SFSWAP: variants seen among roughly 807,000 people sequenced by gnomAD.
SFSWAP encodes the protein splicing factor SWAP, also known as splicing factor, suppressor of white-apricot homolog.
SFSWAP carries 17 observed loss-of-function variants against 100.7 expected under a neutral mutation model. The observed-to-expected ratio is 0.17, with a 90% CI of 0.12 to 0.25. The LOEUF (loss-of-function observed/expected upper bound fraction) is 0.25, where lower values mean the gene tolerates loss of function less well. Among genes scored for constraint, SFSWAP ranks in the 10% least tolerant of loss-of-function variants. The pLI is 1.00. For missense variants in SFSWAP, 1,005 were observed against 1,262.6 expected (o/e 0.80, Z 3.09); for synonymous variants, 504 against 510.1 (o/e 0.99, Z 0.16).
rs1451750590 is a variant in SFSWAP at position 131,730,290 on chromosome 12, C to T, written c.1081+1862C>T. On this transcript the variant is annotated intron_variant, in intron 7 of 17. Coordinates refer to ENST00000261674, the MANE Select transcript of SFSWAP (RefSeq NM_004592.4). The surrounding 1 kb of genome is among the most constrained non-coding windows in gnomAD (Gnocchi z 4.0). ...TGCCCACTGAGGGACCATCCCTCTG[C>T]TTCCTCCTTTCCTTTTCCAAGCCTG... 6.6e-6 allele frequency among the ~76,000 whole-genome samples: 1 copy of T among 152,254 alleles called. No homozygotes were observed. The highest frequency in any genetic ancestry group is 1.5e-5 in the Non-Finnish European group (1 of 68,046).
intron 7 of SFSWAP, among the ~76,000 whole-genome samples, chr12:131,741,670 C>T (rs2136209058): frequency 6.6e-6 from 1 of 151,882 alleles, no homozygotes; most frequent in South Asian, 2.1e-4. Context: ...ACAGTAAACA[C>T]CATTCTGCTG....
rs1335571819 is a variant in SFSWAP, at chr12:131,782,029, T to C, written c.2408+3699T>C. ...CGGCAGTGCCGTGGTCTCTGGAGTC[T>C]GAGGACATAAGTTAAACAAGCTAGT... is the stretch of plus-strand genomic sequence containing the variant. On this transcript the variant is annotated intron_variant, in intron 14 of 17. Coordinates refer to ENST00000261674, the MANE Select transcript of SFSWAP (RefSeq NM_004592.4). Among the ~76,000 whole-genome samples, 3 of 152,222 alleles carry C rather than the reference T, an allele frequency of 2.0e-5. No homozygotes were observed. In the East Asian group the frequency reaches 5.8e-4, roughly 29 times the overall value.
chr12:131,756,866 C>G lies in SFSWAP; in HGVS notation c.1720+222C>G, dbSNP rs904103065. 3 of 540,946 alleles carry G rather than the reference C, an allele frequency of 5.5e-6. No homozygotes were observed. The East Asian group carries it at 9.3e-5, about 17-fold the overall frequency. 33.5% of individuals were successfully genotyped at this position (540,946 alleles called of 1,614,324 possible). ...GTGTGAGCAGCCCTTAGGTATGTGT[C>G]TGTTTAACAGTCTGTTCAGTGTACT... On this transcript the variant is annotated intron_variant, in intron 11 of 17. Transcript: ENST00000261674.
chr12:131,773,624 A>T lies in SFSWAP; in HGVS notation c.2143-4441A>T, dbSNP rs545813804. 2.6e-5 allele frequency among the ~76,000 whole-genome samples: 4 copies of T among 152,338 alleles called. No homozygotes were observed. In the East Asian group the frequency reaches 5.8e-4, roughly 22 times the overall value. ...CTCTCAAGATGCTAGGATGACAGGC[A>T]TGAGCCACTGCACCCAGCCCACAAA... is the stretch of plus-strand genomic sequence containing the variant. On this transcript the variant is annotated intron_variant, in intron 13 of 17. Transcript: ENST00000261674.
At chr12:131,759,694 G>A (rs1324000380) in intron 11 of SFSWAP, among the ~76,000 whole-genome samples, 3 of 151,988 alleles carry the variant, frequency 2.0e-5, no homozygotes, top group East Asian at 1.9e-4. Context: ...CCAGCTACTC[G>A]GAGAGGCTGA....
chr12:131,784,523 A>G (rs1455695357), intron 14 of SFSWAP: 2 of 152,152 alleles, frequency 1.3e-5, no homozygotes, highest in African/African-American at 2.4e-5. Flanking sequence ...AAAGCAAACC[A>G]TTATGCTTTT....
intron 16 of SFSWAP, 49 bp downstream of exon 16, chr12:131,797,409 C>T: frequency 6.7e-7 from 1 of 1,499,272 alleles, no homozygotes; most frequent in Non-Finnish European, 9.1e-7. Context: ...CAAGGGGCGG[C>T]CAGCAGGACT....
Position 131,778,447 on chromosome 12 carries a change from C to A in SFSWAP, c.2408+117C>A. The A allele has an allele frequency of 6.9e-7, 1 of 1,456,520 alleles. No homozygotes were observed. The highest frequency in any genetic ancestry group is 9.2e-7 in the Non-Finnish European group (1 of 1,088,030). The allele number at this position is 1,456,520 out of a possible 1,614,324, so 90.2% of individuals were successfully genotyped here. A position where few individuals can be genotyped will look rare whatever the true frequency, so the allele number is the denominator to read the frequency against. ...CAGTGCCGCTTTCATTAAGCAGACG[C>A]GTGTATGCATGTGCATGTGTGCCCT... On this transcript the variant is annotated intron_variant, in intron 14 of 17. Transcript: ENST00000261674. The surrounding 1 kb of genome is among the most constrained non-coding windows in gnomAD (Gnocchi z 4.2).
rs571734838 is a variant in SFSWAP, at chr12:131,747,791, G to T, written c.1082-5332G>T. On this transcript the variant is annotated intron_variant, in intron 7 of 17. Transcript: ENST00000261674. ...AGGGGCTCTGTTCTGGACACATTCG[G>T]CTTGAAATATGTACGAGACATCCCA... Among the ~76,000 whole-genome samples the T allele has an allele frequency of 2.6e-5, 4 of 152,338 alleles. No homozygotes were observed. The South Asian group carries it at 8.3e-4, about 32-fold the overall frequency.
rs986107177 is a variant in SFSWAP, at chr12:131,711,719, C to G, written c.218+272C>G. ...AGCCCCTCTCGACCCCTCACCCTGT[C>G]GCTGGGCTGCAGTTGGCGATTCCGC... On this transcript the variant is annotated intron_variant, in intron 1 of 17. Transcript: ENST00000261674. The surrounding 1 kb of genome is among the most constrained non-coding windows in gnomAD (Gnocchi z 4.9). 2 of 433,222 alleles carry G rather than the reference C, an allele frequency of 4.6e-6. No individual in the cohort carries two copies. The highest frequency in any genetic ancestry group is 7.9e-5 in the Admixed American group (2 of 25,258). 26.8% of individuals were successfully genotyped at this position (433,222 alleles called of 1,614,324 possible).
At chr12:131,760,023 T>C (rs550534333) in intron 11 of SFSWAP, among the ~76,000 whole-genome samples, 21 of 152,310 alleles carry the variant, frequency 1.4e-4, no homozygotes, top group Non-Finnish European at 1.8e-4. Flanking sequence ...AAACAGGCTC[T>C]CCATTTTGAA....
At position 131,714,514 on chromosome 12, in the gene SFSWAP, G is replaced by T; in HGVS notation, c.388+274G>T. 2 of 476,208 alleles carry T rather than the reference G, an allele frequency of 4.2e-6. No individual in the cohort carries two copies. Among genetic ancestry groups the T allele is most frequent in the East Asian group, 3.6e-5 (1 of 28,044 alleles). The allele number at this position is 476,208 out of a possible 1,614,324, so 29.5% of individuals were successfully genotyped here. A position where few individuals can be genotyped will look rare whatever the true frequency, so the allele number is the denominator to read the frequency against. ...TTAACTGTTCTTCTTTAACAGTATC[G>T]TATAAATAAAATTGATGTTCTTGTC... On this transcript the variant is annotated intron_variant, in intron 2 of 17. Coordinates refer to ENST00000261674, the MANE Select transcript of SFSWAP (RefSeq NM_004592.4). This position sits in a 1 kb window ranked among gnomAD's most constrained non-coding sequence, Gnocchi z 6.0.
chr12:131,766,121 A>C lies in SFSWAP; in HGVS notation c.1955A>C (p.Lys652Thr). Residue 652 changes from lysine (K) to threonine (T), a missense_variant, in exon 13 of 18, where the codon AAG (lysine) becomes ACG (threonine). By Grantham distance (78) the Lys-to-Thr change is moderately conservative (BLOSUM62 -1). Transcript: ENST00000261674. ...TQEELEAKQA[K>T]QKLEDRLAAA... is the part of the protein sequence containing the mutation. Reference sequence around the variant, plus strand: ...TTTTCTTTGTTTATTCCTTAAGCAAAGCAAAAGCTGGAAGATCGCCTCGCA... The same window carrying C: ...TTTTCTTTGTTTATTCCTTAAGCAACGCAAAAGCTGGAAGATCGCCTCGCA... The C allele has an allele frequency of 1.9e-6, 3 of 1,607,970 alleles. No homozygotes were observed. The highest frequency in any genetic ancestry group is 2.5e-6 in the Non-Finnish European group (3 of 1,178,134).
At position 131,778,664 on chromosome 12, in the gene SFSWAP, C is replaced by G. The variant is rs947409567; in HGVS notation, c.2408+334C>G. ...TCCTGAGTAGCTGGGATTACAGGTG[C>G]CCACCACCACGCCTGGCTAATTTTT... On this transcript the variant is annotated intron_variant, in intron 14 of 17. Transcript: ENST00000261674. This position sits in a 1 kb window ranked among gnomAD's most constrained non-coding sequence, Gnocchi z 4.2. Among the ~76,000 whole-genome samples, 6 of 152,194 alleles carry G rather than the reference C, an allele frequency of 3.9e-5. No homozygotes were observed. Among genetic ancestry groups the G allele is most frequent in the Admixed American group, 3.3e-4 (5 of 15,284 alleles).
rs1877343943 is a variant in SFSWAP, at chr12:131,711,545, G to A, written c.218+98G>A. On this transcript the variant is annotated intron_variant, in intron 1 of 17. Transcript: ENST00000261674. This position sits in a 1 kb window ranked among gnomAD's most constrained non-coding sequence, Gnocchi z 4.9. ...TGCAAGGACTGCAGAGAGTTTTCTG[G>A]AGCCAGCGGGGATCTGGGGGACACC... 2.0e-6 allele frequency: 2 copies of A among 1,023,172 alleles called. No individual in the cohort carries two copies. The highest frequency in any genetic ancestry group is 2.9e-6 in the Non-Finnish European group (2 of 686,452). The allele number at this position is 1,023,172 out of a possible 1,614,324, so 63.4% of individuals were successfully genotyped here.
intron 6 of SFSWAP, among the ~76,000 whole-genome samples, chr12:131,727,991 G>A (rs185327253): frequency 4.4e-4 from 67 of 152,346 alleles, no homozygotes; most frequent in African/African-American, 1.5e-3. Context: ...AGGAAAGACA[G>A]TTTCAAATTT....
rs1177391983 is a variant in SFSWAP at position 131,755,392 on chromosome 12, G to T, written c.1461G>T (p.Glu487Asp). Reference protein sequence around the residue: ...SVRAKNDQRFEFLQPWHQYNA... With the variant: ...SVRAKNDQRFDFLQPWHQYNA... Reference sequence around the variant, plus strand: ...TCTTTCTTTTTCTGCTCAGATTTGAGTTCCTGCAGCCGTGGCACCAGTATA... The same window carrying T: ...TCTTTCTTTTTCTGCTCAGATTTGATTTCCTGCAGCCGTGGCACCAGTATA... Residue 487 changes from glutamate to aspartate, a missense_variant, in exon 10 of 18, where the codon GAG becomes GAT. Around this residue, in one of 7 missense-constraint regions of SFSWAP, gnomAD observed 311 missense variants for 317.8 expected, o/e 0.98. Coordinates refer to ENST00000261674, the MANE Select transcript of SFSWAP (RefSeq NM_004592.4). The T allele has an allele frequency of 6.2e-7, 1 of 1,613,078 alleles. No homozygotes were observed. Among genetic ancestry groups the T allele is most frequent in the Non-Finnish European group, 8.5e-7 (1 of 1,179,300 alleles).
At chr12:131,750,759 A>G (rs1274707044) in intron 7 of SFSWAP, among the ~76,000 whole-genome samples, 1 of 152,156 alleles carries the variant, frequency 6.6e-6, no homozygotes, top group Non-Finnish European at 1.5e-5. Context: ...GGTGCCATCA[A>G]CACCTCACTG....
At chr12:131,724,576 A>G (rs1011566514) in intron 4 of SFSWAP, among the ~76,000 whole-genome samples, 15 of 152,278 alleles carry the variant, frequency 9.9e-5, no homozygotes, top group African/African-American at 3.6e-4. Flanking sequence ...TTTATTTGCA[A>G]ATAATTTCCT....
Sources: allele counts gnomAD v4.1 joint callset (sites outside exome capture counted in the v4.1 genomes callset), GRCh38; gene constraint gnomAD v4.1.1; regional missense constraint gnomAD v4.1.1; non-coding constraint Gnocchi (gnomAD v3.1); transcripts MANE v1.5; gene names NCBI Gene and HGNC (gene_info 2026-07-23, HGNC 2026-07-21).